PDE6A: variants seen among roughly 807,000 people sequenced by gnomAD.
PDE6A encodes phosphodiesterase 6A.
In PDE6A, 84 loss-of-function variants were observed where a neutral mutation model predicts 106.3. The ratio of observed to expected loss-of-function variants is 0.79; its 90% CI spans 0.66 to 0.95. PDE6A has a LOEUF of 0.95. Ranked by LOEUF, PDE6A falls within the 40% of genes least tolerant of loss-of-function variation. The probability of loss-of-function intolerance (pLI) is 0.00; values close to 1 mark genes in which losing one functional copy is unlikely to be tolerated. For missense variants in PDE6A, 1,052 were observed against 1,084.9 expected (o/e 0.97, Z 0.43); for synonymous variants, 394 against 386.6 (o/e 1.02, Z -0.23).
intron 7 of PDE6A, 95 bp from the exon 8 acceptor site, chr5:149,903,790 T>TG (rs1238663906): frequency 1.1e-6 from 1 of 910,418 alleles, no homozygotes; most frequent in Admixed American, 1.7e-5. Flanking sequence ...ACCATGTTCT[T>TG]GTCCAAGGCA....
chr5:149,880,779 G>C (rs1247281998), intron 17 of PDE6A, among the ~76,000 whole-genome samples: 2 of 152,020 alleles, frequency 1.3e-5, no homozygotes, highest in African/African-American at 4.8e-5. Context: ...CAGTCACAAT[G>C]GCAATTATTA....
chr5:149,892,775 C>T (rs571276962), intron 13 of PDE6A, among the ~76,000 whole-genome samples: 9 of 151,934 alleles, frequency 5.9e-5, no homozygotes, highest in African/African-American at 2.2e-4. Flanking sequence ...GCCACTGCAC[C>T]CAGCCTGTAT....
intron 13 of PDE6A, among the ~76,000 whole-genome samples, chr5:149,893,691 C>T (rs10515636): frequency 0.035 from 5,280 of 152,204 alleles, 123 homozygotes; most frequent in East Asian, 0.071. Flanking sequence ...CTCACTGGAC[C>T]CTGTTCAGGA....
At chr5:149,942,082 C>T (rs1451330099) in intron 1 of PDE6A, among the ~76,000 whole-genome samples, 1 of 152,082 alleles carries the variant, frequency 6.6e-6, no homozygotes, top group South Asian at 2.1e-4. Flanking sequence ...CCATCTCAGC[C>T]TCCAGAGTAG....
intron 6 of PDE6A, 140 bp downstream of exon 6, chr5:149,914,803 T>C (rs1029316707): frequency 1.4e-6 from 1 of 707,370 alleles, no homozygotes; most frequent in Non-Finnish European, 2.6e-6. Flanking sequence ...AGTCCTTCTC[T>C]GTCTATAAAG....
intron 13 of PDE6A, among the ~76,000 whole-genome samples, chr5:149,888,361 C>T (rs568621415): frequency 2.9e-4 from 44 of 151,742 alleles, no homozygotes; most frequent in African/African-American, 1.1e-3. Flanking sequence ...TTGCTTGCTT[C>T]CTAGTGTTCA....
chr5:149,921,649 TC>T lies in PDE6A; in HGVS notation c.918del (p.Thr307LeufsTer36). 1.9e-6 allele frequency: 3 copies of T among 1,613,398 alleles called. No individual in the cohort carries two copies. Among genetic ancestry groups the T allele is most frequent in the Non-Finnish European group, 2.5e-6 (3 of 1,179,526 alleles). On this transcript the variant is annotated frameshift_variant, in exon 5 of 22. Transcript: ENST00000255266. LOFTEE classifies it high-confidence loss of function. The part of the protein sequence containing the change: ...MGEVPPYSGP[R>X]TPDGREINFY... ...AGAGAACGTACTCTTCCATCCGGAG[TC>T]CTGGGACCAGAGTAAGGTGGAACTT...
chr5:149,932,363 T>G, intron 3 of PDE6A: 2 of 1,410,918 alleles, frequency 1.4e-6, no homozygotes, highest in Non-Finnish European at 2.0e-6. Context: ...CCAGAAAATC[T>G]AGTGGTCTTT....
rs185751351 is a variant in PDE6A at position 149,871,599 on chromosome 5, G to A, written c.2136-3441C>T. On this transcript the variant is annotated intron_variant, in intron 17 of 21. Transcript: ENST00000255266. Reference sequence around the variant, plus strand: ...CCTGCACAAAGAGCTTAAAGGTTGGGGGAGCTCAGGGAGCAGGTGGGAGAC... The same window carrying A: ...CCTGCACAAAGAGCTTAAAGGTTGGAGGAGCTCAGGGAGCAGGTGGGAGAC... Among the ~76,000 whole-genome samples the A allele has an allele frequency of 7.9e-3, 1,208 of 152,180 alleles. 7 individuals are homozygous for A. Among genetic ancestry groups the A allele is most frequent in the Non-Finnish European group, 0.013 (874 of 68,018 alleles).
At chr5:149,866,079 C>T in intron 20 of PDE6A, 91 bp downstream of exon 20, 1 of 900,862 alleles carries the variant, frequency 1.1e-6, no homozygotes, top group Non-Finnish European at 1.9e-6. Context: ...ACCCACTGGT[C>T]ACCTGCTAGG....
At chr5:149,929,439 T>C (rs1343914377) in intron 4 of PDE6A, among the ~76,000 whole-genome samples, 1 of 151,992 alleles carries the variant, frequency 6.6e-6, no homozygotes, top group Non-Finnish European at 1.5e-5. Context: ...ACCCCGTCTC[T>C]ACTAAAAATA....
intron 17 of PDE6A, among the ~76,000 whole-genome samples, chr5:149,883,062 C>CA (rs1269396965): frequency 3.3e-5 from 5 of 152,048 alleles, no homozygotes; most frequent in Middle Eastern, 3.4e-3. Context: ...TGTCTCAAAA[C>CA]AAAAAACAAA....
chr5:149,926,547 G>A (rs1278273134), intron 4 of PDE6A, among the ~76,000 whole-genome samples: 1 of 152,168 alleles, frequency 6.6e-6, no homozygotes, highest in African/African-American at 2.4e-5. Flanking sequence ...TTTGACATAT[G>A]TAAATATCTC....
chr5:149,888,245 G>A (rs1449265851), intron 13 of PDE6A, among the ~76,000 whole-genome samples: 1 of 152,056 alleles, frequency 6.6e-6, no homozygotes, highest in Non-Finnish European at 1.5e-5. Context: ...AAAATTTTCT[G>A]TGCCACAGTG....
At chr5:149,916,405 C>A (rs1281648413) in intron 5 of PDE6A, among the ~76,000 whole-genome samples, 1 of 152,214 alleles carries the variant, frequency 6.6e-6, no homozygotes. Context: ...ATCCTCCCTG[C>A]AGGGTGCATC....
At chr5:149,895,155 C>A in intron 13 of PDE6A, 28 bp downstream of exon 13, 4 of 1,412,282 alleles carry the variant, frequency 2.8e-6, no homozygotes, top group Non-Finnish European at 4.0e-6. Flanking sequence ...GCAAGCCCAC[C>A]CTACCAGCCC....
chr5:149,870,611 G>A (rs1476036380), intron 17 of PDE6A, among the ~76,000 whole-genome samples: 1 of 151,990 alleles, frequency 6.6e-6, no homozygotes, highest in African/African-American at 2.4e-5. Flanking sequence ...GGACACCAAG[G>A]TGCCAGAAAA....
In PDE6A at chr5:149,866,249, A is replaced by G; in HGVS notation, c.2279T>C (p.Met760Thr). 1 of 1,612,150 alleles carries G rather than the reference A, an allele frequency of 6.2e-7. No individual in the cohort carries two copies. Among genetic ancestry groups the G allele is most frequent in the Non-Finnish European group, 8.5e-7 (1 of 1,178,148 alleles). The change falls in exon 20 of 22, where the codon ATG (methionine) becomes ACG (threonine). Residue 760 changes from methionine to threonine, a missense_variant. Around this residue, in one of 3 missense-constraint regions of PDE6A, gnomAD observed 135 missense variants for 153.2 expected, o/e 0.88. Coordinates refer to ENST00000255266, the MANE Select transcript of PDE6A (RefSeq NM_000440.3). ...RTVLQQNPIP[M>T]MDRNKADELP... ...TTCATCTGCTTTGTTTCTGTCCATC[A>G]TGGGCTGTCATGGGGGAGAAAGAGT... is the stretch of plus-strand genomic sequence containing the variant.
At chr5:149,921,445 T>TC (rs113521896) in intron 5 of PDE6A, among the ~76,000 whole-genome samples, 190 bp downstream of exon 5, 2 of 152,146 alleles carry the variant, frequency 1.3e-5, no homozygotes, top group African/African-American at 2.4e-5. Context: ...TTACTTTTTT[T>TC]CTCTCTGTTG....
Sources: allele counts gnomAD v4.1 joint callset (sites outside exome capture counted in the v4.1 genomes callset), GRCh38; gene constraint gnomAD v4.1.1; regional missense constraint gnomAD v4.1.1; transcripts MANE v1.5; gene names NCBI Gene and HGNC (gene_info 2026-07-23, HGNC 2026-07-21).